The following RBFOX1 variants were observed in gnomAD, a reference collection of about 807,000 sequenced individuals.
RBFOX1 encodes the protein RNA binding protein fox-1 homolog 1.
Under a neutral mutation model 57.7 loss-of-function variants are expected in RBFOX1, and 8 were observed. That is an observed-to-expected ratio of 0.14 (90% confidence interval 0.08 to 0.25). RBFOX1 has a LOEUF of 0.25. Among genes scored for constraint, RBFOX1 ranks in the 10% least tolerant of loss-of-function variants. RBFOX1 has a pLI of 1.00. For missense variants in RBFOX1, 611 were observed against 548.5 expected (o/e 1.11, Z -1.14); for synonymous variants, 326 against 222.4 (o/e 1.47, Z -4.15).
intron 1 of RBFOX1, among the ~76,000 whole-genome samples, chr16:6,031,870 G>T (rs2095295338): frequency 6.6e-6 from 1 of 152,150 alleles, no homozygotes; most frequent in African/African-American, 2.4e-5. Flanking sequence ...GTGAGTGACA[G>T]CATCACAGGA....
At chr16:6,359,357 T>G (rs915565967) in intron 2 of RBFOX1, among the ~76,000 whole-genome samples, 1 of 152,120 alleles carries the variant, frequency 6.6e-6, no homozygotes, top group Non-Finnish European at 1.5e-5. Context: ...GCCCCCAAAG[T>G]GCTGAGATTA....
At chr16:6,927,134 A>G (rs149002911) in intron 3 of RBFOX1, among the ~76,000 whole-genome samples, 58 of 152,036 alleles carry the variant, frequency 3.8e-4, no homozygotes, top group African/African-American at 1.3e-3. Flanking sequence ...TCCCCTAGAG[A>G]CTTAGAGGGT....
At chr16:7,392,960 G>A (rs894215354) in intron 4 of RBFOX1, among the ~76,000 whole-genome samples, 5 of 151,920 alleles carry the variant, frequency 3.3e-5, no homozygotes, top group African/African-American at 1.2e-4. Flanking sequence ...TGCAACCTCC[G>A]CCTCCCAGGT....
chr16:5,569,467 T>TTTTTTTTTTG (rs1567240836), intron 2 of RBFOX1, among the ~76,000 whole-genome samples: 2 of 83,426 alleles, frequency 2.4e-5, no homozygotes, highest in African/African-American at 4.8e-5. Context: ...TTTTTTTTTT[T>TTTTTTTTTTG]CTTCTTCTTT....
chr16:6,536,716 A>G (rs1017699620), intron 2 of RBFOX1, among the ~76,000 whole-genome samples: 3 of 152,152 alleles, frequency 2.0e-5, no homozygotes, highest in East Asian at 1.9e-4. Flanking sequence ...CTTAGACCCA[A>G]CAAGTCAAGA....
At chr16:7,155,355 C>T (rs2076870118) in intron 4 of RBFOX1, among the ~76,000 whole-genome samples, 1 of 151,750 alleles carries the variant, frequency 6.6e-6, no homozygotes, top group African/African-American at 2.4e-5. Flanking sequence ...TTTGGGAGGT[C>T]GAGTTCAGTG....
At chr16:6,707,835 C>G (rs1014763749) in intron 3 of RBFOX1, among the ~76,000 whole-genome samples, 3 of 152,156 alleles carry the variant, frequency 2.0e-5, no homozygotes, top group African/African-American at 4.8e-5. Flanking sequence ...TCTCCTTCCC[C>G]AAGCTCAAAG....
intron 4 of RBFOX1, among the ~76,000 whole-genome samples, chr16:7,275,237 T>C (rs1337345968): frequency 6.6e-6 from 1 of 152,188 alleles, no homozygotes; most frequent in Non-Finnish European, 1.5e-5. Flanking sequence ...CATTCAAAAA[T>C]AGCATTGTGC....
chr16:7,682,022 C>T (rs898908567), intron 14 of RBFOX1, among the ~76,000 whole-genome samples: 4 of 152,146 alleles, frequency 2.6e-5, no homozygotes, highest in East Asian at 1.9e-4. Flanking sequence ...GGCATATTTA[C>T]GGTTTATCAA....
chr16:7,491,439 C>G lies in RBFOX1; in HGVS notation c.28-26708C>G, dbSNP rs578170293. Reference sequence around the variant, plus strand: ...TGTGAGCAGAAGCAGCCTGGGAAGGCAGGACTAGACACACCAAACATCAGC... The same window carrying G: ...TGTGAGCAGAAGCAGCCTGGGAAGGGAGGACTAGACACACCAAACATCAGC... On this transcript the variant is annotated intron_variant, in intron 4 of 15. Transcript: ENST00000550418. Among the ~76,000 whole-genome samples, 23 of 117,626 alleles carry G rather than the reference C, an allele frequency of 2.0e-4. No individual in the cohort carries two copies. The South Asian group carries it at 8.0e-3, about 41-fold the overall frequency. 77.2% of individuals were successfully genotyped at this position (117,626 alleles called of 152,430 possible).
At chr16:6,901,517 C>A (rs1184740191) in intron 3 of RBFOX1, among the ~76,000 whole-genome samples, 1 of 152,160 alleles carries the variant, frequency 6.6e-6, no homozygotes, top group Non-Finnish European at 1.5e-5. Context: ...ACAGCAAGTT[C>A]ATGTCTAGTT....
Position 5,473,501 on chromosome 16 carries a change from A to G in RBFOX1, c.258+6247A>G, listed in dbSNP as rs566807234. ...TTCCATTCCCAGTACCTTGTGTAGT[A>G]CTTAGTAGAGAGTAGATAATGCACG... is the stretch of plus-strand genomic sequence containing the variant. On this transcript the variant is annotated intron_variant, in intron 2 of 2. Transcript: ENST00000585867. Among the ~76,000 whole-genome samples, 11 of 152,076 alleles carry G rather than the reference A, an allele frequency of 7.2e-5. 1 individual carries two copies. The highest frequency in any genetic ancestry group is 7.2e-4 in the Admixed American group (11 of 15,258).
intron 1 of RBFOX1, among the ~76,000 whole-genome samples, chr16:6,071,566 C>T (rs556209277): frequency 3.9e-5 from 6 of 152,180 alleles, no homozygotes; most frequent in Admixed American, 1.3e-4. Flanking sequence ...GGTAAATCAA[C>T]CAAGATAGCT....
At chr16:6,585,703 T>A (rs1035574586) in intron 2 of RBFOX1, among the ~76,000 whole-genome samples, 4 of 151,968 alleles carry the variant, frequency 2.6e-5, no homozygotes, top group African/African-American at 9.7e-5. Flanking sequence ...ACTGTAATCA[T>A]GCACCTGTTC....
chr16:6,729,011 C>A (rs1277220297), intron 3 of RBFOX1, among the ~76,000 whole-genome samples: 1 of 152,128 alleles, frequency 6.6e-6, no homozygotes, highest in Non-Finnish European at 1.5e-5. Flanking sequence ...ATACAGTCAA[C>A]AAATCATACG....
At chr16:6,205,835 C>A (rs1255185949) in intron 1 of RBFOX1, among the ~76,000 whole-genome samples, 1 of 142,586 alleles carries the variant, frequency 7.0e-6, no homozygotes, top group Non-Finnish European at 1.5e-5. Context: ...TTTGCATTTC[C>A]CTTTGAACAA....
chr16:6,906,335 G>T (rs1340453281), intron 3 of RBFOX1, among the ~76,000 whole-genome samples: 1 of 151,872 alleles, frequency 6.6e-6, no homozygotes, highest in South Asian at 2.1e-4. Flanking sequence ...TTGTGTCTCA[G>T]GCACTACCTA....
intron 3 of RBFOX1, among the ~76,000 whole-genome samples, chr16:7,026,631 G>A (rs1371942174): frequency 6.6e-6 from 1 of 152,072 alleles, no homozygotes; most frequent in African/African-American, 2.4e-5. Context: ...AAGGCCTTGG[G>A]TCCCCTGGTC....
At chr16:5,621,914 TGCTCCAAGCA>T (rs1319834557) in intron 3 of RBFOX1, among the ~76,000 whole-genome samples, 1 of 152,158 alleles carries the variant, frequency 6.6e-6, no homozygotes, top group African/African-American at 2.4e-5. Context: ...CATCTTTCAG[TGCTCCAAGCA>T]GCTGCCAAAA....
Sources: allele counts gnomAD v4.1 joint callset (sites outside exome capture counted in the v4.1 genomes callset), GRCh38; gene constraint gnomAD v4.1.1; transcripts MANE v1.5; gene names NCBI Gene and HGNC (gene_info 2026-07-23, HGNC 2026-07-21).